The following SMG6 variants were observed in gnomAD, a reference collection of about 807,000 sequenced individuals.
SMG6 encodes the protein telomerase-binding protein EST1A.
In SMG6, 66 loss-of-function variants were observed where a neutral mutation model predicts 142.2. The ratio of observed to expected loss-of-function variants is 0.46; its 90% confidence interval spans 0.38 to 0.57. SMG6 has a LOEUF of 0.57. Among genes scored for constraint, SMG6 ranks in the 20% least tolerant of loss-of-function variants. The pLI is 0.00. For missense variants in SMG6, 1,793 were observed against 1,832.0 expected (o/e 0.98, Z 0.39); for synonymous variants, 779 against 702.4 (o/e 1.11, Z -1.72).
intron 8 of SMG6, among the ~76,000 whole-genome samples, chr17:2,254,617 G>A (rs146397874): frequency 7.0e-4 from 107 of 152,310 alleles, no homozygotes; most frequent in African/African-American, 2.3e-3. Flanking sequence ...CTACAGGCGT[G>A]AGATACCGTG....
intron 4 of SMG6, among the ~76,000 whole-genome samples, chr17:2,294,851 C>A (rs981964243): frequency 6.6e-6 from 1 of 151,256 alleles, no homozygotes; most frequent in East Asian, 2.0e-4. Flanking sequence ...AAAATACCAC[C>A]AAGCATGTAA....
At chr17:2,062,406 C>T (rs529614050) in intron 18 of SMG6, 1 of 152,222 alleles carries the variant, frequency 6.6e-6, no homozygotes, top group South Asian at 2.1e-4. Flanking sequence ...CCTTTTTTTC[C>T]TACAGCATCA....
At chr17:2,153,151 CTA>C (rs1230467439) in intron 13 of SMG6, among the ~76,000 whole-genome samples, 3 of 152,330 alleles carry the variant, frequency 2.0e-5, no homozygotes, top group Admixed American at 1.3e-4. Flanking sequence ...TCTTAAAATA[CTA>C]TGAGATGTTT....
chr17:2,158,855 T>G (rs1029596413), intron 13 of SMG6, among the ~76,000 whole-genome samples: 1 of 132,598 alleles, frequency 7.5e-6, no homozygotes, highest in Admixed American at 8.2e-5. Context: ...AGCAAGACCC[T>G]GTTTCAAAAA....
intron 8 of SMG6, among the ~76,000 whole-genome samples, chr17:2,246,318 C>T (rs914114360): frequency 6.6e-6 from 1 of 152,178 alleles, no homozygotes; most frequent in Non-Finnish European, 1.5e-5. Flanking sequence ...GAATCTTGAC[C>T]CCAGGATCCC....
At chr17:2,196,859 C>A (rs77528874) in intron 10 of SMG6, among the ~76,000 whole-genome samples, 2,955 of 152,136 alleles carry the variant, frequency 0.019, 56 homozygotes, top group South Asian at 0.066. Flanking sequence ...CAAGACCCCA[C>A]CTCTTCTAAA....
chr17:2,208,559 A>T (rs1476734873), intron 10 of SMG6, among the ~76,000 whole-genome samples: 2 of 152,172 alleles, frequency 1.3e-5, no homozygotes, highest in Non-Finnish European at 2.9e-5. Context: ...CATGGTGCTG[A>T]ACCAATTCGT....
intron 10 of SMG6, among the ~76,000 whole-genome samples, chr17:2,232,229 T>C (rs2073517501): frequency 6.6e-6 from 1 of 152,148 alleles, no homozygotes; most frequent in African/African-American, 2.4e-5. Context: ...TTTCCTTAAA[T>C]TACAAAATTT....
In SMG6 at chr17:2,066,696, A is replaced by ACACACACAG. The variant is rs1555529730; in HGVS notation, c.3836-1018_3836-1017insCTGTGTGTG. Among the ~76,000 whole-genome samples the ACACACACAG allele has an allele frequency of 9.1e-5, 4 of 43,824 alleles. 1 individual carries two copies. Among genetic ancestry groups the ACACACACAG allele is most frequent in the Admixed American group, 7.0e-4 (3 of 4,284 alleles). 28.8% of individuals were successfully genotyped at this position (43,824 alleles called of 152,430 possible). A position where few individuals can be genotyped will look rare whatever the true frequency, so the allele number is the denominator to read the frequency against. On this transcript the variant is annotated intron_variant, in intron 16 of 18. Transcript: ENST00000263073. ...ACACACACACACACACACACACACA[A>ACACACACAG]TGCCCATGCTTTCGGCACCCTGAGG...
At chr17:2,206,550 GC>G (rs528445507) in intron 10 of SMG6, among the ~76,000 whole-genome samples, 232 of 152,156 alleles carry the variant, frequency 1.5e-3, no homozygotes, top group African/African-American at 5.2e-3. Context: ...CTGCACTCTG[GC>G]CTGGGCAACA....
chr17:2,065,184 CTGGGCAG>C (rs1285691092), intron 17 of SMG6, 30 bp from the exon 18 acceptor site: 2 of 1,580,808 alleles, frequency 1.3e-6, no homozygotes, highest in Non-Finnish European at 1.7e-6. Flanking sequence ...AGAAGCACCA[CTGGGCAG>C]AAGGGGGCGC....
intron 13 of SMG6, among the ~76,000 whole-genome samples, chr17:2,142,815 G>A (rs1287810383): frequency 6.6e-6 from 1 of 151,244 alleles, no homozygotes; most frequent in East Asian, 1.9e-4. Context: ...TTGAACCTGG[G>A]AGGCGGAGGT....
rs1379804847 is a variant in SMG6, at chr17:2,297,892, G to A, written c.2011C>T (p.Arg671Trp). 1.3e-5 allele frequency: 21 copies of A among 1,611,866 alleles called. No individual in the cohort carries two copies. The highest frequency in any genetic ancestry group is 2.7e-5 in the African/African-American group (2 of 74,902). ...DPNVENPEQIRNRLLELLDEG... is the reference protein window; with the variant it reads ...DPNVENPEQIWNRLLELLDEG... ...TCCAAGAGCTCCAAAAGTCTGTTCC[G>A]AATCTGTTCTGGGTTCTCAACATTC... is the stretch of plus-strand genomic sequence containing the variant. Residue 671 changes from arginine (R) to tryptophan (W), a missense_variant, in exon 3 of 19, where the codon CGG (arginine) becomes TGG (tryptophan). Around this residue, in one of 3 missense-constraint regions of SMG6, gnomAD observed 1,597 missense variants for 1,584.6 expected, o/e 1.01. Coordinates refer to ENST00000263073, the MANE Select transcript of SMG6 (RefSeq NM_017575.5).
At chr17:2,256,209 A>AG (rs1042553858) in intron 8 of SMG6, 4 of 150,686 alleles carry the variant, frequency 2.7e-5, no homozygotes, top group African/African-American at 9.8e-5. Context: ...AATAAGAAGA[A>AG]AAAAAAAAAA....
At chr17:2,118,442 G>A (rs1431283677) in intron 13 of SMG6, among the ~76,000 whole-genome samples, 1 of 152,178 alleles carries the variant, frequency 6.6e-6, no homozygotes, top group African/African-American at 2.4e-5. Context: ...AGGAGGCTGA[G>A]GCACGAGAAT....
At chr17:2,255,375 G>T (rs2074144482) in intron 8 of SMG6, among the ~76,000 whole-genome samples, 1 of 129,354 alleles carries the variant, frequency 7.7e-6, no homozygotes, top group South Asian at 2.4e-4. Flanking sequence ...CTGCACTCCA[G>T]CCTGGGCGAC....
chr17:2,266,395 T>C (rs1567731000), intron 8 of SMG6, among the ~76,000 whole-genome samples: 1 of 152,150 alleles, frequency 6.6e-6, no homozygotes, highest in Non-Finnish European at 1.5e-5. Flanking sequence ...TTTAAGCAAG[T>C]GCTCATTGTT....
chr17:2,294,068 T>C (rs1458196484), intron 4 of SMG6, among the ~76,000 whole-genome samples: 1 of 152,180 alleles, frequency 6.6e-6, no homozygotes, highest in East Asian at 1.9e-4. Flanking sequence ...AATTAACATA[T>C]CACTGAATAA....
intron 8 of SMG6, among the ~76,000 whole-genome samples, chr17:2,257,087 CTT>C (rs561017088): frequency 1.9e-4 from 25 of 134,684 alleles, no homozygotes; most frequent in Admixed American, 3.7e-4. Flanking sequence ...GGGATTCTTC[CTT>C]TTTTTTTTTT....
Sources: gnomAD v4.1 joint callset for allele counts (sites outside exome capture counted in the v4.1 genomes callset) on GRCh38, gnomAD v4.1.1 for gene constraint, gnomAD v4.1.1 regional missense constraint, MANE v1.5 for transcripts, NCBI Gene and HGNC (gene_info 2026-07-23, HGNC 2026-07-21) for gene names.